The following AGAP1 variants were observed in gnomAD, a reference collection of about 807,000 sequenced individuals.
AGAP1 encodes the protein ArfGAP with GTPase domain, ankyrin repeat and PH domain 1, also known as arf-GAP with GTPase, ANK repeat and PH domain-containing protein 1.
In AGAP1, 29 loss-of-function variants were observed where a neutral mutation model predicts 105.3. The observed-to-expected ratio is 0.28, with a 90% CI of 0.21 to 0.38. The LOEUF (loss-of-function observed/expected upper bound fraction) is 0.38, where lower values mean the gene tolerates loss of function less well. Among genes scored for constraint, AGAP1 ranks in the 10% least tolerant of loss-of-function variants. The pLI, the probability that AGAP1 is intolerant of heterozygous loss-of-function variation, is 1.00. For missense variants in AGAP1, 998 were observed against 1,165.1 expected, an observed-to-expected ratio of 0.86 and a Z score of 2.09; for synonymous variants, 509 against 485.9, an observed-to-expected ratio of 1.05 and a Z score of -0.63.
chr2:235,898,470 G>GT (rs1454421906), intron 10 of AGAP1, among the ~76,000 whole-genome samples: 4 of 124,732 alleles, frequency 3.2e-5, no homozygotes, highest in African/African-American at 8.6e-5. Flanking sequence ...CAGAGGACAG[G>GT]TTCCCCCCCC....
intron 1 of AGAP1, among the ~76,000 whole-genome samples, chr2:235,529,071 A>G (rs1487281987): frequency 6.6e-6 from 1 of 152,216 alleles, no homozygotes; most frequent in African/African-American, 2.4e-5. Flanking sequence ...ACAAAACACC[A>G]CGTCCCCTTG....
At chr2:235,644,527 C>A (rs12991774) in intron 1 of AGAP1, among the ~76,000 whole-genome samples, 56,664 of 151,864 alleles carry the variant, frequency 0.37, 10,754 homozygotes, top group Middle Eastern at 0.44. Flanking sequence ...TAGCTCACTG[C>A]AGAATCTTAA....
chr2:235,498,551 G>A (rs371771072), intron 1 of AGAP1, among the ~76,000 whole-genome samples: 14 of 152,210 alleles, frequency 9.2e-5, no homozygotes, highest in East Asian at 1.9e-4. Context: ...AAAGTCCATC[G>A]GGGGTTGATG....
At chr2:236,013,698 G>A (rs962790147) in intron 13 of AGAP1, among the ~76,000 whole-genome samples, 1 of 152,150 alleles carries the variant, frequency 6.6e-6, no homozygotes. Flanking sequence ...AGAGACAGAC[G>A]GTCCTGTGAG....
rs1005696372 is a variant in AGAP1 at position 235,754,856 on chromosome 2, G to A, written c.673+4368G>A. On this transcript the variant is annotated intron_variant, in intron 6 of 17. Transcript: ENST00000304032. This position sits in a 1 kb window ranked among gnomAD's most constrained non-coding sequence, Gnocchi z 4.6. Reference sequence around the variant, plus strand: ...CACTAGGGAGGGTAAACATCAAACGGTCACCCAGAAACATGACCTTGTGTC... The same window carrying A: ...CACTAGGGAGGGTAAACATCAAACGATCACCCAGAAACATGACCTTGTGTC... Among the ~76,000 whole-genome samples the A allele has an allele frequency of 1.3e-5, 2 of 152,354 alleles. No homozygotes were observed. Among genetic ancestry groups the A allele is most frequent in the Middle Eastern group, 3.4e-3 (1 of 294 alleles).
rs941181448 is a variant in AGAP1, at chr2:235,631,854, C to T, written c.164-77325C>T. On this transcript the variant is annotated intron_variant, in intron 1 of 17. Coordinates refer to ENST00000304032, the MANE Select transcript of AGAP1 (RefSeq NM_001037131.3). This position sits in a 1 kb window ranked among gnomAD's most constrained non-coding sequence, Gnocchi z 5.4. Reference sequence around the variant, plus strand: ...CAGGTGTGGCCACTCTCGTGAGATGCAACTGGAGGTGTTTTGTGGCAGCTT... The same window carrying T: ...CAGGTGTGGCCACTCTCGTGAGATGTAACTGGAGGTGTTTTGTGGCAGCTT... 6.6e-6 allele frequency among the ~76,000 whole-genome samples: 1 copy of T among 152,206 alleles called. No individual in the cohort carries two copies. The highest frequency in any genetic ancestry group is 1.5e-5 in the Non-Finnish European group (1 of 68,038).
intron 12 of AGAP1, among the ~76,000 whole-genome samples, chr2:235,944,722 G>A (rs1030176719): frequency 2.6e-5 from 4 of 152,306 alleles, no homozygotes; most frequent in South Asian, 2.1e-4. Context: ...GGGGTGGTAC[G>A]AGGGGAACTG....
In AGAP1 at chr2:236,041,647, T is replaced by C. The variant is rs577489045; in HGVS notation, c.1891+806T>C. On this transcript the variant is annotated intron_variant, in intron 15 of 17. Coordinates refer to ENST00000304032, the MANE Select transcript of AGAP1 (RefSeq NM_001037131.3). ...AAATTTCTTCCCTTCAGATTTTTTT[T>C]GTTAAGTAGTGTTTTGAAGAGAAGG... is the stretch of plus-strand genomic sequence containing the variant. Among the ~76,000 whole-genome samples, 349 of 152,300 alleles carry C rather than the reference T, an allele frequency of 2.3e-3. 1 individual carries two copies. Among genetic ancestry groups the C allele is most frequent in the Non-Finnish European group, 3.6e-3 (247 of 68,024 alleles).
At chr2:235,695,707 G>A (rs1559362243) in intron 1 of AGAP1, among the ~76,000 whole-genome samples, 2 of 152,312 alleles carry the variant, frequency 1.3e-5, no homozygotes, top group South Asian at 4.1e-4. Flanking sequence ...GCGCAGTGGG[G>A]GCACTTTGCT....
In AGAP1 at chr2:235,866,734, G is replaced by A. The variant is rs554204651; in HGVS notation, c.1051-16611G>A. 6.6e-6 allele frequency among the ~76,000 whole-genome samples: 1 copy of A among 152,320 alleles called. No homozygotes were observed. The highest frequency in any genetic ancestry group is 1.9e-4 in the East Asian group (1 of 5,184). The stretch of plus-strand genomic sequence containing the variant: ...GGAAGTCTTGGATCAAGGCCTCAGT[G>A]GGATTGGCTTCTCCTGAAGCCTCTC... On this transcript the variant is annotated intron_variant, in intron 9 of 17. Transcript: ENST00000304032. This position sits in a 1 kb window ranked among gnomAD's most constrained non-coding sequence, Gnocchi z 6.1.
At chr2:236,086,389 T>C (rs1034299081) in intron 16 of AGAP1, among the ~76,000 whole-genome samples, 1 of 152,228 alleles carries the variant, frequency 6.6e-6, no homozygotes, top group Admixed American at 6.5e-5. Context: ...ACTGCTCAAG[T>C]GTAGTTGCAC....
chr2:235,575,712 A>G (rs947088101), intron 1 of AGAP1, among the ~76,000 whole-genome samples: 1 of 152,200 alleles, frequency 6.6e-6, no homozygotes, highest in Non-Finnish European at 1.5e-5. Flanking sequence ...ACAGGTTTGC[A>G]TGCCTAAAAT....
chr2:235,935,448 A>G (rs1036557595), intron 12 of AGAP1, among the ~76,000 whole-genome samples: 2 of 152,220 alleles, frequency 1.3e-5, no homozygotes, highest in Non-Finnish European at 2.9e-5. Flanking sequence ...TGTTTGACAG[A>G]AGTAATTTTT....
intron 13 of AGAP1, among the ~76,000 whole-genome samples, chr2:235,991,637 T>C (rs1365647683): frequency 6.6e-6 from 1 of 152,182 alleles, no homozygotes; most frequent in Non-Finnish European, 1.5e-5. Context: ...TGCCCAGCAA[T>C]TGGAAAAAGA....
In AGAP1 at chr2:236,056,274, T is replaced by C. The variant is rs1272543209; in HGVS notation, c.2114+6993T>C. On this transcript the variant is annotated intron_variant, in intron 16 of 17. Coordinates refer to ENST00000304032, the MANE Select transcript of AGAP1 (RefSeq NM_001037131.3). This position sits in a 1 kb window ranked among gnomAD's most constrained non-coding sequence, Gnocchi z 4.6. ...GCCTGCCACACAGGAACCCCAGTTA[T>C]TTGTTTGATCCTGCAAGAAACCAGT... Among the ~76,000 whole-genome samples the C allele has an allele frequency of 6.6e-6, 1 of 152,230 alleles. No individual in the cohort carries two copies. Among genetic ancestry groups the C allele is most frequent in the Non-Finnish European group, 1.5e-5 (1 of 68,040 alleles).
chr2:235,810,577 G>A (rs1958081267), intron 9 of AGAP1, among the ~76,000 whole-genome samples: 1 of 152,194 alleles, frequency 6.6e-6, no homozygotes, highest in Non-Finnish European at 1.5e-5. Context: ...AGTGGCTTAT[G>A]TTAACCCCCT....
rs2058711605 is a variant in AGAP1, at chr2:236,078,932, G to C, written c.2114+29651G>C. Reference sequence around the variant, plus strand: ...CCAGCAGAAGGTCCAGCCTCACACAGTGACCCAGTGGGCTTGAACAGTGAG... The same window carrying C: ...CCAGCAGAAGGTCCAGCCTCACACACTGACCCAGTGGGCTTGAACAGTGAG... On this transcript the variant is annotated intron_variant, in intron 16 of 17. Transcript: ENST00000304032. The surrounding 1 kb of genome is among the most constrained non-coding windows in gnomAD (Gnocchi z 5.3). 6.6e-6 allele frequency among the ~76,000 whole-genome samples: 1 copy of C among 152,190 alleles called. No homozygotes were observed.
Position 236,040,063 on chromosome 2 carries a change from A to G in AGAP1, c.1801-688A>G, listed in dbSNP as rs1164311216. ...GAGTTCAAGGCTGCAGTGAGCTATG[A>G]TCACACCACTGCACCCCAGCCTCAG... is the stretch of plus-strand genomic sequence containing the variant. On this transcript the variant is annotated intron_variant, in intron 14 of 17. Transcript: ENST00000304032. The surrounding 1 kb of genome is among the most constrained non-coding windows in gnomAD (Gnocchi z 5.6). 6.6e-6 allele frequency among the ~76,000 whole-genome samples: 1 copy of G among 152,104 alleles called. No homozygotes were observed. Among genetic ancestry groups the G allele is most frequent in the African/African-American group, 2.4e-5 (1 of 41,418 alleles).
In AGAP1 at chr2:236,038,758, C is replaced by CA. The variant is rs1437932205; in HGVS notation, c.1801-1990dup. On this transcript the variant is annotated intron_variant, in intron 14 of 17. Coordinates refer to ENST00000304032, the MANE Select transcript of AGAP1 (RefSeq NM_001037131.3). This position sits in a 1 kb window ranked among gnomAD's most constrained non-coding sequence, Gnocchi z 4.5. ...GTATAGGCATAGCTAGACAGACAGA[C>CA]AAACCAACCAACCACAGAAATGATA... Among the ~76,000 whole-genome samples, 1 of 151,980 alleles carries CA rather than the reference C, an allele frequency of 6.6e-6. No homozygotes were observed. Among genetic ancestry groups the CA allele is most frequent in the African/African-American group, 2.4e-5 (1 of 41,352 alleles).
Sources: allele counts gnomAD v4.1 joint callset (sites outside exome capture counted in the v4.1 genomes callset), GRCh38; gene constraint gnomAD v4.1.1; non-coding constraint Gnocchi (gnomAD v3.1); transcripts MANE v1.5; gene names NCBI Gene and HGNC (gene_info 2026-07-23, HGNC 2026-07-21).